Variants in IL1RAPL2 observed in about 807,000 individuals in gnomAD.
IL1RAPL2 encodes interleukin 1 receptor accessory protein like 2.
Under a neutral mutation model 44.1 loss-of-function variants are expected in IL1RAPL2, and 3 were observed. That is an observed-to-expected ratio of 0.07 (90% CI 0.03 to 0.18). The LOEUF (loss-of-function observed/expected upper bound fraction) is 0.18, where lower values mean the gene tolerates loss of function less well. IL1RAPL2 is among the 10% of genes least tolerant of loss of function. The probability of loss-of-function intolerance (pLI) is 1.00; values close to 1 mark genes in which losing one functional copy is unlikely to be tolerated. For synonymous variants in IL1RAPL2, 181 were observed against 178.8 expected, an observed-to-expected ratio of 1.01 and a Z score of -0.10; for missense variants, 391 against 496.4, an observed-to-expected ratio of 0.79 and a Z score of 2.02.
chrX:104,892,174 A>G (rs1442180023), intron 2 of IL1RAPL2, among the ~76,000 whole-genome samples: 2 of 111,218 alleles, frequency 1.8e-5, no homozygotes, highest in Non-Finnish European at 3.8e-5. Context: ...AAGCTTTTTG[A>G]TGTGCTGCTG....
intron 3 of IL1RAPL2, among the ~76,000 whole-genome samples, chrX:105,206,193 A>G (rs1461297943): frequency 9.0e-6 from 1 of 111,726 alleles, no homozygotes; most frequent in African/African-American, 3.3e-5. Context: ...ACCAATACTG[A>G]CATAGAGTAA....
chrX:104,737,645 C>T (rs1932035960), intron 2 of IL1RAPL2, among the ~76,000 whole-genome samples: 1 of 111,642 alleles, frequency 9.0e-6, no homozygotes, highest in African/African-American at 3.3e-5. Flanking sequence ...TAATGCCTGG[C>T]AAGGTAAACA....
chrX:104,932,653 A>C (rs1924936799), intron 2 of IL1RAPL2, among the ~76,000 whole-genome samples: 1 of 112,418 alleles, frequency 8.9e-6, no homozygotes, highest in Admixed American at 9.4e-5. Context: ...CTTCAGGAGA[A>C]AATGAATTTT....
At chrX:104,751,842 G>T (rs943658126) in intron 2 of IL1RAPL2, among the ~76,000 whole-genome samples, 2 of 111,081 alleles carry the variant, frequency 1.8e-5, no homozygotes, top group Admixed American at 1.9e-4. Context: ...TTCAAATCTC[G>T]TTATTTAACC....
chrX:105,486,734 A>ATATCTATCTATCTATCTATC (rs34493388), intron 6 of IL1RAPL2, among the ~76,000 whole-genome samples: 1,772 of 103,862 alleles, frequency 0.017, 62 homozygotes, highest in African/African-American at 0.061. Context: ...CTATATATCT[A>ATATCTATCTATCTATCTATC]TATCTATCTA....
intron 2 of IL1RAPL2, among the ~76,000 whole-genome samples, chrX:104,807,054 TAGC>T (rs1482610989): frequency 1.8e-5 from 2 of 110,702 alleles, no homozygotes; most frequent in Non-Finnish European, 3.8e-5. Flanking sequence ...ATGGTATGAA[TAGC>T]AGCAGATAGG....
chrX:105,059,064 G>A (rs1324134255), intron 2 of IL1RAPL2, among the ~76,000 whole-genome samples: 1 of 111,675 alleles, frequency 9.0e-6, no homozygotes, highest in Non-Finnish European at 1.9e-5. Context: ...AATAATTCAC[G>A]TCAGGGCAAA....
intron 7 of IL1RAPL2, among the ~76,000 whole-genome samples, chrX:105,721,214 A>C (rs2038301226): frequency 9.0e-6 from 1 of 111,075 alleles, no homozygotes; most frequent in Non-Finnish European, 1.9e-5. Context: ...TCAGGAGTTC[A>C]AGGCCAGCCT....
chrX:105,074,677 G>A (rs2147541222), intron 2 of IL1RAPL2, among the ~76,000 whole-genome samples: 1 of 106,585 alleles, frequency 9.4e-6, no homozygotes, highest in East Asian at 3.0e-4. Flanking sequence ...CCATGAGCAT[G>A]GAATGTTCTT....
chrX:105,672,331 G>T (rs2037831405), intron 6 of IL1RAPL2, among the ~76,000 whole-genome samples: 1 of 112,204 alleles, frequency 8.9e-6, no homozygotes. Context: ...GCTCATTGTT[G>T]CTAGGTGAAG....
At chrX:104,808,697 C>T (rs187261286) in intron 2 of IL1RAPL2, among the ~76,000 whole-genome samples, 2 of 111,529 alleles carry the variant, frequency 1.8e-5, no homozygotes, top group Non-Finnish European at 1.9e-5. Context: ...GACAATCTTG[C>T]GGGAGATGGG....
chrX:104,878,657 G>A (rs1280640324), intron 2 of IL1RAPL2, among the ~76,000 whole-genome samples: 1 of 111,534 alleles, frequency 9.0e-6, no homozygotes, highest in Non-Finnish European at 1.9e-5. Flanking sequence ...CCTCCTGGGA[G>A]GTCTCTTTGT....
At chrX:105,668,837 C>A (rs191785794) in intron 6 of IL1RAPL2, among the ~76,000 whole-genome samples, 1 of 111,545 alleles carries the variant, frequency 9.0e-6, no homozygotes, top group East Asian at 2.8e-4. Flanking sequence ...TACCTAAAAC[C>A]TAAAGCGATA....
At chrX:105,737,395 G>C (rs72618311) in intron 7 of IL1RAPL2, among the ~76,000 whole-genome samples, 6,527 of 111,034 alleles carry the variant, frequency 0.059, 456 homozygotes, top group African/African-American at 0.19. Flanking sequence ...AATTATGACT[G>C]CTCTGTTGAG....
At chrX:105,297,580 G>A (rs1440909916) in intron 5 of IL1RAPL2, among the ~76,000 whole-genome samples, 2 of 110,390 alleles carry the variant, frequency 1.8e-5, no homozygotes, top group African/African-American at 3.3e-5. Flanking sequence ...GGGGAGAAGC[G>A]CCAGACACTT....
chrX:104,906,949 G>C (rs1285255856), intron 2 of IL1RAPL2, among the ~76,000 whole-genome samples: 1 of 111,470 alleles, frequency 9.0e-6, no homozygotes, highest in Admixed American at 9.5e-5. Context: ...TTTTTGGTTG[G>C]TAAGCTATTG....
At chrX:105,087,659 A>G (rs2032495070) in intron 2 of IL1RAPL2, among the ~76,000 whole-genome samples, 1 of 111,615 alleles carries the variant, frequency 9.0e-6, no homozygotes, top group Admixed American at 9.5e-5. Flanking sequence ...TCTAATAATT[A>G]CTACTTGTGT....
intron 2 of IL1RAPL2, among the ~76,000 whole-genome samples, chrX:104,712,805 G>T (rs1178397831): frequency 1.9e-5 from 2 of 105,771 alleles, no homozygotes; most frequent in Non-Finnish European, 3.9e-5. Context: ...CCCTGACCCA[G>T]GGGCATCTCT....
chrX:105,343,005 T>C (rs1453425965), intron 5 of IL1RAPL2, among the ~76,000 whole-genome samples: 1 of 110,631 alleles, frequency 9.0e-6, no homozygotes, highest in Non-Finnish European at 1.9e-5. Context: ...ATTGGCTGCA[T>C]TCTGAAATCC....
Sources: allele counts gnomAD v4.1 joint callset (sites outside exome capture counted in the v4.1 genomes callset), GRCh38; gene constraint gnomAD v4.1.1; transcripts MANE v1.5; gene names NCBI Gene and HGNC (gene_info 2026-07-23, HGNC 2026-07-21).